NAALADL2: variants seen among roughly 807,000 people sequenced by gnomAD.
The protein encoded by NAALADL2 is N-acetylated alpha-linked acidic dipeptidase like 2.
In NAALADL2, 76 loss-of-function variants were observed where a neutral mutation model predicts 87.2. The observed-to-expected ratio is 0.87, with a 90% CI of 0.72 to 1.05. NAALADL2 has a LOEUF of 1.05. NAALADL2 is among the 50% of genes least tolerant of loss of function. The pLI is 0.00. For missense variants in NAALADL2, 1,089 were observed against 945.8 expected (o/e 1.15, Z -1.99); for synonymous variants, 354 against 331.0 (o/e 1.07, Z -0.75).
At chr3:174,698,333 T>C (rs1252678206) in intron 2 of NAALADL2, among the ~76,000 whole-genome samples, 1 of 152,134 alleles carries the variant, frequency 6.6e-6, no homozygotes, top group African/African-American at 2.4e-5. Flanking sequence ...GTTTTAATTT[T>C]ACCCTAATTC....
chr3:174,749,469 AATGGCAGATT>A (rs1734607798), intron 3 of NAALADL2, among the ~76,000 whole-genome samples: 1 of 151,784 alleles, frequency 6.6e-6, no homozygotes, highest in African/African-American at 2.4e-5. Context: ...CATTTCTGTG[AATGGCAGATT>A]ATGGTTGCCA....
chr3:175,803,382 ATT>A lies in NAALADL2; in HGVS notation c.*183_*184del. 2.4e-6 allele frequency: 1 copy of A among 418,996 alleles called. No individual in the cohort carries two copies. The highest frequency in any genetic ancestry group is 4.2e-6 in the Non-Finnish European group (1 of 237,466). The allele number at this position is 418,996 out of a possible 1,614,324, so 26.0% of individuals were successfully genotyped here. A position where few individuals can be genotyped will look rare whatever the true frequency, so the allele number is the denominator to read the frequency against. On this transcript the variant is annotated 3_prime_UTR_variant, in exon 14 of 14. Transcript: ENST00000454872. ...AGAAAGAACATTTTGCACATTTAATATTTTTCTTATATCTACATTTCTGAATA... is the reference window on the plus strand; with the variant it reads ...AGAAAGAACATTTTGCACATTTAATATTTCTTATATCTACATTTCTGAATA...
chr3:174,997,044 G>A (rs200865421), intron 1 of NAALADL2, among the ~76,000 whole-genome samples: 3,795 of 101,112 alleles, frequency 0.038, 125 homozygotes, highest in East Asian at 0.22. Context: ...GTGTGTATGT[G>A]TATATATATA....
intron 10 of NAALADL2, among the ~76,000 whole-genome samples, chr3:175,614,471 T>A (rs1035099786): frequency 1.3e-5 from 2 of 152,244 alleles, no homozygotes; most frequent in African/African-American, 4.8e-5. Flanking sequence ...GATCAGATTA[T>A]TTTTAAGTGT....
intron 1 of NAALADL2, among the ~76,000 whole-genome samples, chr3:174,948,950 A>G (rs1349334142): frequency 1.3e-5 from 2 of 152,138 alleles, no homozygotes; most frequent in Non-Finnish European, 2.9e-5. Context: ...GGTGCTGGTG[A>G]ATTTGATGTC....
At chr3:175,543,282 G>C (rs1712703698) in intron 9 of NAALADL2, among the ~76,000 whole-genome samples, 1 of 152,012 alleles carries the variant, frequency 6.6e-6, no homozygotes, top group African/African-American at 2.4e-5. Context: ...ATGTCTTGTA[G>C]GTCAGTAAAA....
intron 1 of NAALADL2, among the ~76,000 whole-genome samples, chr3:174,492,666 C>T (rs1050322433): frequency 7.2e-5 from 11 of 152,180 alleles, no homozygotes; most frequent in African/African-American, 2.7e-4. Flanking sequence ...GTAAACATTT[C>T]CAAATGCAAC....
rs1358097082 is a variant in NAALADL2, at chr3:174,508,119, T to TTTTTTTTTGTTTTTG, written c.-183-42442_-183-42441insGTTTTTGTTTTTTTT. ...TAGCTATTGGATATCTAGTGGTTTT[T>TTTTTTTTTGTTTTTG]TTTTTTTTTTTTGAGACGAAGTCTT... On this transcript the variant is annotated intron_variant, in intron 1 of 3. Coordinates refer to the NAALADL2 transcript ENST00000434257. 2.5e-4 allele frequency among the ~76,000 whole-genome samples: 36 copies of TTTTTTTTTGTTTTTG among 141,350 alleles called. 2 individuals carry two copies. Among genetic ancestry groups the TTTTTTTTTGTTTTTG allele is most frequent in the Admixed American group, 4.2e-4 (6 of 14,280 alleles). The allele number at this position is 141,350 out of a possible 152,430, so 92.7% of individuals were successfully genotyped here. A position where few individuals can be genotyped will look rare whatever the true frequency, so the allele number is the denominator to read the frequency against.
chr3:174,916,249 C>T (rs1431078681), intron 1 of NAALADL2, among the ~76,000 whole-genome samples: 1 of 152,042 alleles, frequency 6.6e-6, no homozygotes, highest in Non-Finnish European at 1.5e-5. Flanking sequence ...AAAGGGAACA[C>T]ATTAATACTG....
At chr3:175,442,545 G>A (rs1240320719) in intron 5 of NAALADL2, among the ~76,000 whole-genome samples, 1 of 152,106 alleles carries the variant, frequency 6.6e-6, no homozygotes. Flanking sequence ...TGTCACCTTG[G>A]TAGAGATGAC....
chr3:175,266,428 T>G (rs7642581), intron 4 of NAALADL2, among the ~76,000 whole-genome samples: 5 of 151,550 alleles, frequency 3.3e-5, no homozygotes, highest in Non-Finnish European at 7.4e-5. Flanking sequence ...AAATTTTGCC[T>G]AATATTCATA....
At chr3:175,750,316 C>T (rs1746474610) in intron 12 of NAALADL2, among the ~76,000 whole-genome samples, 1 of 152,180 alleles carries the variant, frequency 6.6e-6, no homozygotes. Flanking sequence ...TTCCCCAGAA[C>T]ATCTTAGAGT....
At chr3:175,761,829 C>T (rs1046674726) in intron 13 of NAALADL2, among the ~76,000 whole-genome samples, 1 of 151,956 alleles carries the variant, frequency 6.6e-6, no homozygotes, top group African/African-American at 2.4e-5. Context: ...GCTCTTTCGC[C>T]CATTTTTAAA....
intron 8 of NAALADL2, among the ~76,000 whole-genome samples, chr3:175,467,719 A>G (rs1451012789): frequency 6.6e-6 from 1 of 151,980 alleles, no homozygotes; most frequent in Non-Finnish European, 1.5e-5. Context: ...CTACCTGCCT[A>G]TCTATTGCCT....
chr3:174,816,990 T>C (rs551137442), intron 3 of NAALADL2, among the ~76,000 whole-genome samples: 4 of 152,332 alleles, frequency 2.6e-5, no homozygotes, highest in African/African-American at 9.6e-5. Context: ...AGTATTACTT[T>C]ATTCTATGTC....
intron 7 of NAALADL2, among the ~76,000 whole-genome samples, chr3:175,466,360 G>C (rs978220221): frequency 1.6e-4 from 25 of 152,126 alleles, no homozygotes; most frequent in African/African-American, 5.8e-4. Flanking sequence ...TGTTAGGAAG[G>C]CTCTCCTAGT....
At chr3:174,578,191 G>C (rs557038710) in intron 2 of NAALADL2, among the ~76,000 whole-genome samples, 114 of 151,992 alleles carry the variant, frequency 7.5e-4, no homozygotes, top group African/African-American at 2.6e-3. Flanking sequence ...AAAGAGGAGA[G>C]AAATAATGGA....
chr3:174,446,202 C>G (rs116551429), intron 1 of NAALADL2, among the ~76,000 whole-genome samples: 1 of 151,942 alleles, frequency 6.6e-6, no homozygotes, highest in African/African-American at 2.4e-5. Context: ...GTATTAATTA[C>G]CAAGGTACAA....
chr3:174,552,844 G>A (rs536060086), intron 2 of NAALADL2, among the ~76,000 whole-genome samples: 169 of 148,330 alleles, frequency 1.1e-3, no homozygotes, highest in Non-Finnish European at 1.8e-3. Flanking sequence ...TATGGAGTTA[G>A]CACCGAATAA....
Sources: allele counts gnomAD v4.1 joint callset (sites outside exome capture counted in the v4.1 genomes callset), GRCh38; gene constraint gnomAD v4.1.1; transcripts MANE v1.5; gene names NCBI Gene and HGNC (gene_info 2026-07-23, HGNC 2026-07-21).